CUX2: variants seen among roughly 807,000 people sequenced by gnomAD.
CUX2 encodes the protein cut like homeobox 2, also known as homeobox protein cut-like 2.
Under a neutral mutation model 144.8 loss-of-function variants are expected in CUX2, and 40 were observed. That is an observed-to-expected ratio of 0.28 (90% CI 0.21 to 0.36). The LOEUF is 0.36. Among genes scored for constraint, CUX2 ranks in the 10% least tolerant of loss-of-function variants. The pLI is 1.00. For missense variants in CUX2, 1,615 were observed against 1,994.0 expected (o/e 0.81, Z 3.62); for synonymous variants, 827 against 875.6 (o/e 0.94, Z 0.98).
At chr12:111,218,525 A>T (rs554361296) in intron 3 of CUX2, among the ~76,000 whole-genome samples, 1 of 152,252 alleles carries the variant, frequency 6.6e-6, no homozygotes, top group African/African-American at 2.4e-5. Context: ...CTAAAACAAT[A>T]AAAAAATAAA....
intron 20 of CUX2, 48 bp from the exon 21 acceptor site, chr12:111,341,732 T>G: frequency 6.6e-7 from 1 of 1,518,578 alleles, no homozygotes. Context: ...CAGGAACTTT[T>G]GGGATGGGGA....
chr12:111,323,042 G>A (rs887217777), intron 18 of CUX2, among the ~76,000 whole-genome samples: 45 of 152,218 alleles, frequency 3.0e-4, no homozygotes, highest in African/African-American at 1.0e-3. Flanking sequence ...AGCTTTGCCC[G>A]GGTGAGGAAA....
chr12:111,323,845 C>T (rs1422915630), intron 18 of CUX2, among the ~76,000 whole-genome samples: 1 of 152,082 alleles, frequency 6.6e-6, no homozygotes, highest in Non-Finnish European at 1.5e-5. Context: ...TCTCTTGAAG[C>T]CTGGAGTTTG....
At chr12:111,132,555 TC>T (rs1875560638) in intron 1 of CUX2, among the ~76,000 whole-genome samples, 1 of 146,060 alleles carries the variant, frequency 6.8e-6, no homozygotes, top group Non-Finnish European at 1.5e-5. Flanking sequence ...ATGCTCTGTT[TC>T]CTTTTTTTTT....
rs371998616 is a variant in CUX2, at chr12:111,312,121, G to A, written c.1922G>A (p.Arg641His). The change falls in exon 16 of 22, where the codon CGC becomes CAC. Residue 641 changes from arginine to histidine, a missense_variant. Physicochemically the swap from Arg to His is conservative, Grantham distance 29. Coordinates refer to ENST00000261726, the MANE Select transcript of CUX2 (RefSeq NM_015267.4). The surrounding 1 kb of genome is among the most constrained non-coding windows in gnomAD (Gnocchi z 4.3). ...RQRGSITPRI[R>H]TPETGSDDAI... is the part of the protein sequence containing the mutation. ...CCAGGCAGCATCACCCCGAGAATCC[G>A]CACGCCTGAGACAGGCTCAGACGAC... is the stretch of plus-strand genomic sequence containing the variant. The A allele has an allele frequency of 1.1e-5, 17 of 1,610,432 alleles. No individual in the cohort carries two copies. Among genetic ancestry groups the A allele is most frequent in the African/African-American group, 2.7e-5 (2 of 74,856 alleles).
chr12:111,226,808 G>A (rs1178561815), intron 3 of CUX2, among the ~76,000 whole-genome samples: 1 of 152,250 alleles, frequency 6.6e-6, no homozygotes, highest in Non-Finnish European at 1.5e-5. Context: ...CTCCAGCCGC[G>A]TGGCAGTAAC....
At chr12:111,267,803 C>G (rs957478830) in intron 4 of CUX2, among the ~76,000 whole-genome samples, 2 of 151,862 alleles carry the variant, frequency 1.3e-5, no homozygotes, top group Non-Finnish European at 2.9e-5. Context: ...CTCAATCTCC[C>G]TCTCCTTTCT....
chr12:111,182,173 C>T (rs998240148), intron 1 of CUX2, among the ~76,000 whole-genome samples: 2 of 152,142 alleles, frequency 1.3e-5, no homozygotes, highest in Non-Finnish European at 2.9e-5. Context: ...ATCTGTGTTC[C>T]GTTCCCTTCC....
In CUX2 at chr12:111,341,967, C is replaced by T. The variant is rs1565934434; in HGVS notation, c.3573C>T (p.Pro1191=). 3 of 1,614,002 alleles carry T rather than the reference C, an allele frequency of 1.9e-6. No individual in the cohort carries two copies. The highest frequency in any genetic ancestry group is 2.5e-6 in the Non-Finnish European group (3 of 1,180,026). Residue 1191 remains proline, a synonymous_variant, in exon 21 of 22, where the codon CCC becomes CCT. Transcript: ENST00000261726. ...TGCGGAAGGCCTATCAGCTGGAACCCTACCCCTCGCAGCAGACCATCGAGC... is the reference window on the plus strand; with the variant it reads ...TGCGGAAGGCCTATCAGCTGGAACCTTACCCCTCGCAGCAGACCATCGAGC... ...EALRKAYQLE[P]YPSQQTIELL...
At chr12:111,046,133 C>T (rs1028869450) in intron 1 of CUX2, among the ~76,000 whole-genome samples, 17 of 152,226 alleles carry the variant, frequency 1.1e-4, no homozygotes, top group African/African-American at 3.9e-4. Context: ...CCTCCCAGCC[C>T]GGCCCACCCG....
intron 16 of CUX2, among the ~76,000 whole-genome samples, chr12:111,316,745 C>T (rs1339011481): frequency 3.9e-5 from 6 of 152,236 alleles, no homozygotes; most frequent in Admixed American, 3.3e-4. Flanking sequence ...CCACCACGCC[C>T]GGCCAAAATT....
At chr12:111,083,148 A>G (rs1306008757) in intron 1 of CUX2, among the ~76,000 whole-genome samples, 1 of 152,054 alleles carries the variant, frequency 6.6e-6, no homozygotes, top group African/African-American at 2.4e-5. Flanking sequence ...CTGACTGTCC[A>G]TTGGGGGTCA....
intron 1 of CUX2, chr12:111,100,051 C>T (rs764223022): frequency 5.5e-5 from 25 of 456,670 alleles, no homozygotes; most frequent in Non-Finnish European, 7.9e-5. Context: ...GCCCTCGGAG[C>T]GGGGCTGTGT....
In CUX2 at chr12:111,312,303, G is replaced by A; in HGVS notation, c.2002+102G>A. On this transcript the variant is annotated intron_variant, in intron 16 of 21. Transcript: ENST00000261726. This position sits in a 1 kb window ranked among gnomAD's most constrained non-coding sequence, Gnocchi z 4.3. ...TTGTCCACCCCAGAGGGAATCCAAG[G>A]TGGATCAGAACCACCAGAGGCCAGA... 3 of 1,070,442 alleles carry A rather than the reference G, an allele frequency of 2.8e-6. No homozygotes were observed. The allele number at this position is 1,070,442 out of a possible 1,614,324, so 66.3% of individuals were successfully genotyped here.
intron 20 of CUX2, among the ~76,000 whole-genome samples, chr12:111,340,178 G>A (rs756957414): frequency 3.9e-5 from 6 of 152,130 alleles, no homozygotes; most frequent in African/African-American, 1.2e-4. Context: ...CAACCTGGGC[G>A]ACAGAGCGAG....
chr12:111,085,092 A>C (rs1323220546), intron 1 of CUX2, among the ~76,000 whole-genome samples: 5 of 151,802 alleles, frequency 3.3e-5, no homozygotes, highest in African/African-American at 9.7e-5. Flanking sequence ...GGTGGCAAAG[A>C]AAAAAAAATA....
At chr12:111,324,911 G>T (rs935897951) in intron 18 of CUX2, among the ~76,000 whole-genome samples, 1 of 152,106 alleles carries the variant, frequency 6.6e-6, no homozygotes, top group Non-Finnish European at 1.5e-5. Context: ...ATTGTTGTCT[G>T]TATATTTCTA....
intron 3 of CUX2, among the ~76,000 whole-genome samples, chr12:111,219,020 C>T (rs1881703545): frequency 6.6e-6 from 1 of 152,142 alleles, no homozygotes; most frequent in Non-Finnish European, 1.5e-5. Context: ...TCTTCTCAGG[C>T]TTCCCTGGAC....
At chr12:111,063,838 T>C (rs1870908948) in intron 1 of CUX2, among the ~76,000 whole-genome samples, 2 of 152,244 alleles carry the variant, frequency 1.3e-5, no homozygotes, top group African/African-American at 2.4e-5. Flanking sequence ...AATAGTTCCA[T>C]ATGAGCCATT....
Sources: gnomAD v4.1 joint callset for allele counts (sites outside exome capture counted in the v4.1 genomes callset) on GRCh38, gnomAD v4.1.1 for gene constraint, Gnocchi (gnomAD v3.1) non-coding constraint, MANE v1.5 for transcripts, NCBI Gene and HGNC (gene_info 2026-07-23, HGNC 2026-07-21) for gene names.